AGBL1: variants seen among roughly 807,000 people sequenced by gnomAD.
AGBL1 encodes the protein cytosolic carboxypeptidase 4.
A neutral mutation model predicts 118.9 loss-of-function variants in AGBL1; 130 were observed. The observed-to-expected ratio is 1.09, with a 90% CI of 0.95 to 1.26. AGBL1 has a LOEUF of 1.26. Ranked by LOEUF, AGBL1 falls within the 50% of genes most tolerant of loss-of-function variation. The pLI is 0.00. For missense variants in AGBL1, 1,584 were observed against 1,298.1 expected (o/e 1.22, Z -3.38); for synonymous variants, 555 against 478.9 (o/e 1.16, Z -2.08).
At chr15:86,868,156 A>G (rs920722589) in intron 22 of AGBL1, among the ~76,000 whole-genome samples, 1 of 152,202 alleles carries the variant, frequency 6.6e-6, no homozygotes, top group Admixed American at 6.5e-5. Context: ...AGTTGAAGAC[A>G]CATGAAACGT....
At chr15:86,933,161 G>A (rs533104570) in intron 23 of AGBL1, among the ~76,000 whole-genome samples, 1 of 152,282 alleles carries the variant, frequency 6.6e-6, no homozygotes, top group Non-Finnish European at 1.5e-5. Flanking sequence ...AAAGATTATG[G>A]AAGTGAGAGA....
At chr15:86,299,915 G>A (rs2141793390) in intron 17 of AGBL1, 1 of 152,118 alleles carries the variant, frequency 6.6e-6, no homozygotes, top group Non-Finnish European at 1.5e-5. Flanking sequence ...GTCTTGGGGG[G>A]TCATTATTTA....
chr15:86,602,371 G>A (rs1252401021), intron 21 of AGBL1, among the ~76,000 whole-genome samples: 1 of 152,184 alleles, frequency 6.6e-6, no homozygotes, highest in Non-Finnish European at 1.5e-5. Context: ...AATGGTAGCT[G>A]TTGATGCTGT....
intron 22 of AGBL1, among the ~76,000 whole-genome samples, chr15:86,738,449 T>G (rs1311422886): frequency 2.0e-5 from 3 of 152,130 alleles, no homozygotes. Flanking sequence ...TTGTCCCTCT[T>G]GCAAATACAT....
rs77745268 is a variant in AGBL1 at position 86,340,928 on chromosome 15, C to T, written c.2374+45520C>T. On this transcript the variant is annotated intron_variant, in intron 17 of 22. Transcript: ENST00000614907. ...GCAAGGTGCAGACCACTACTCCTCA[C>T]GTGGTGTCTTCTGACACCTCATTAT... is the stretch of plus-strand genomic sequence containing the variant. Among the ~76,000 whole-genome samples the T allele has an allele frequency of 9.1e-3, 1,386 of 152,254 alleles. 26 individuals carry two copies. Among genetic ancestry groups the T allele is most frequent in the African/African-American group, 0.031 (1,300 of 41,536 alleles).
chr15:86,239,940 G>A (rs980512812), intron 6 of AGBL1, among the ~76,000 whole-genome samples: 2 of 152,068 alleles, frequency 1.3e-5, no homozygotes, highest in African/African-American at 4.8e-5. Context: ...ATATAGGCAC[G>A]GGAACCTCAC....
At chr15:86,215,861 G>A (rs922486537) in intron 5 of AGBL1, among the ~76,000 whole-genome samples, 2 of 152,010 alleles carry the variant, frequency 1.3e-5, no homozygotes, top group Non-Finnish European at 2.9e-5. Flanking sequence ...GTCATTTTGG[G>A]GACTACTGCA....
intron 5 of AGBL1, among the ~76,000 whole-genome samples, chr15:86,187,658 A>G (rs911651462): frequency 3.9e-5 from 6 of 152,218 alleles, no homozygotes; most frequent in African/African-American, 1.2e-4. Context: ...GAATTTAACA[A>G]GTTTTAATAA....
At chr15:86,122,794 AG>A (rs1898164415) in intron 1 of AGBL1, among the ~76,000 whole-genome samples, 1 of 152,190 alleles carries the variant, frequency 6.6e-6, no homozygotes, top group African/African-American at 2.4e-5. Flanking sequence ...AGACTAGTTC[AG>A]GCCATGATGG....
At chr15:86,832,179 C>G (rs1295010949) in intron 22 of AGBL1, among the ~76,000 whole-genome samples, 2 of 152,188 alleles carry the variant, frequency 1.3e-5, no homozygotes, top group African/African-American at 4.8e-5. Flanking sequence ...GCCCCCAGGT[C>G]TGTGATGGAA....
At chr15:86,297,637 G>A (rs1003234724) in intron 17 of AGBL1, among the ~76,000 whole-genome samples, 5 of 152,086 alleles carry the variant, frequency 3.3e-5, no homozygotes, top group African/African-American at 4.8e-5. Flanking sequence ...GAGCTTTAAG[G>A]TTTAACCTAT....
intron 22 of AGBL1, among the ~76,000 whole-genome samples, chr15:86,778,148 T>C (rs1416850405): frequency 6.6e-6 from 1 of 152,004 alleles, no homozygotes; most frequent in African/African-American, 2.4e-5. Context: ...TTATTAGTGA[T>C]TTTCAAAAGG....
At chr15:86,542,508 A>C (rs955264158) in intron 19 of AGBL1, among the ~76,000 whole-genome samples, 1 of 151,862 alleles carries the variant, frequency 6.6e-6, no homozygotes, top group Non-Finnish European at 1.5e-5. Context: ...CTGGGATTAC[A>C]GGCGCATGCC....
At chr15:86,196,423 A>T (rs1482522008) in intron 5 of AGBL1, among the ~76,000 whole-genome samples, 5 of 152,188 alleles carry the variant, frequency 3.3e-5, no homozygotes, top group Admixed American at 3.3e-4. Flanking sequence ...TAGAGCCCTT[A>T]GGTGTGAAGA....
intron 20 of AGBL1, among the ~76,000 whole-genome samples, chr15:86,547,147 T>C (rs1453657293): frequency 6.6e-6 from 1 of 152,184 alleles, no homozygotes; most frequent in Non-Finnish European, 1.5e-5. Context: ...ATAACCTGTT[T>C]GCTGTAAGGC....
At chr15:86,282,000 A>G (rs76078511) in intron 16 of AGBL1, among the ~76,000 whole-genome samples, 2,163 of 152,228 alleles carry the variant, frequency 0.014, 60 homozygotes, top group African/African-American at 0.048. Context: ...AGATGCTCCA[A>G]TGGATTCTTG....
At chr15:86,945,041 GA>G (rs2080801423) in intron 23 of AGBL1, among the ~76,000 whole-genome samples, 1 of 151,922 alleles carries the variant, frequency 6.6e-6, no homozygotes, top group Non-Finnish European at 1.5e-5. Flanking sequence ...CAATAAATAG[GA>G]ATTATAATTA....
At chr15:86,834,426 C>T (rs543585451) in intron 22 of AGBL1, among the ~76,000 whole-genome samples, 1 of 152,256 alleles carries the variant, frequency 6.6e-6, no homozygotes, top group South Asian at 2.1e-4. Flanking sequence ...AACACTCTTG[C>T]CTTAATCCTT....
chr15:86,873,188 GTCTTA>G (rs1453144033), intron 22 of AGBL1, among the ~76,000 whole-genome samples: 3 of 152,172 alleles, frequency 2.0e-5, no homozygotes. Flanking sequence ...ACAGACAAAA[GTCTTA>G]TCTTTTGCTT....
Sources: gnomAD v4.1 joint callset for allele counts (sites outside exome capture counted in the v4.1 genomes callset) on GRCh38, gnomAD v4.1.1 for gene constraint, MANE v1.5 for transcripts, NCBI Gene and HGNC (gene_info 2026-07-23, HGNC 2026-07-21) for gene names.